UNC5D: variants seen among roughly 807,000 people sequenced by gnomAD.
The protein encoded by UNC5D is netrin receptor UNC5D.
UNC5D carries 39 observed loss-of-function variants against 105.4 expected under a neutral mutation model. The observed-to-expected ratio is 0.37, with a 90% CI of 0.29 to 0.48. UNC5D has a LOEUF of 0.48. Among genes scored for constraint, UNC5D ranks in the 20% least tolerant of loss-of-function variants. The pLI, the probability that UNC5D is intolerant of heterozygous loss-of-function variation, is 0.98. For missense variants in UNC5D, 991 were observed against 1,202.4 expected (o/e 0.82, Z 2.60); for synonymous variants, 452 against 450.4 (o/e 1.00, Z -0.04).
chr8:35,527,087 ATGGTAAAAACTGTAGGCAGGCTTTT>A (rs544258897), intron 1 of UNC5D, among the ~76,000 whole-genome samples: 2 of 152,142 alleles, frequency 1.3e-5, no homozygotes, highest in East Asian at 3.9e-4. Context: ...GATACATCAA[ATGGTAAAAACTGTAGGCAGGCTTTT>A]TGGTTATTTT....
At chr8:35,741,744 C>T (rs1829774588) in intron 11 of UNC5D, among the ~76,000 whole-genome samples, 1 of 152,076 alleles carries the variant, frequency 6.6e-6, no homozygotes, top group Admixed American at 6.6e-5. Context: ...GATGGAGCAC[C>T]AAGGCCCCAG....
intron 4 of UNC5D, among the ~76,000 whole-genome samples, chr8:35,605,017 A>T (rs1346152876): frequency 6.6e-6 from 1 of 151,856 alleles, no homozygotes; most frequent in Non-Finnish European, 1.5e-5. Flanking sequence ...GAGTAGTTTG[A>T]TCTTCTGAGG....
chr8:35,474,028 T>C (rs1456300050), intron 1 of UNC5D, among the ~76,000 whole-genome samples: 1 of 152,130 alleles, frequency 6.6e-6, no homozygotes, highest in African/African-American at 2.4e-5. Flanking sequence ...GGACGGTGCC[T>C]TCATGACCCC....
chr8:35,779,875 T>G (rs1440648243), intron 16 of UNC5D, among the ~76,000 whole-genome samples: 1 of 152,230 alleles, frequency 6.6e-6, no homozygotes, highest in Non-Finnish European at 1.5e-5. Flanking sequence ...TTTTGGAAGA[T>G]TCCTGTCTTT....
At chr8:35,266,957 G>T (rs953570551) in intron 1 of UNC5D, among the ~76,000 whole-genome samples, 11 of 152,086 alleles carry the variant, frequency 7.2e-5, no homozygotes, top group African/African-American at 2.7e-4. Flanking sequence ...AGTCACTTCT[G>T]CCATGCTATA....
At chr8:35,653,804 TA>T (rs749314089) in intron 4 of UNC5D, among the ~76,000 whole-genome samples, 1 of 152,244 alleles carries the variant, frequency 6.6e-6, no homozygotes, top group Non-Finnish European at 1.5e-5. Context: ...TAATGTGTTA[TA>T]CCTTCATACA....
At chr8:35,594,281 GA>G (rs1819356688) in intron 3 of UNC5D, among the ~76,000 whole-genome samples, 1 of 152,194 alleles carries the variant, frequency 6.6e-6, no homozygotes, top group Non-Finnish European at 1.5e-5. Context: ...GGAGGAAAGT[GA>G]ATACATGGCT....
Position 35,237,445 on chromosome 8 carries a change from A to T in UNC5D, c.103+1558A>T, listed in dbSNP as rs539235433. ...TGTTAATCTAAATGTCTGAGTTTCC[A>T]CTTACTATTCGTGTGGAATACCTCA... is the stretch of plus-strand genomic sequence containing the variant. On this transcript the variant is annotated intron_variant, in intron 1 of 16. Transcript: ENST00000404895. Among the ~76,000 whole-genome samples the T allele has an allele frequency of 5.3e-5, 8 of 152,168 alleles. No homozygotes were observed. The South Asian group carries it at 1.0e-3, about 20-fold the overall frequency.
intron 1 of UNC5D, among the ~76,000 whole-genome samples, chr8:35,242,662 A>T (rs996916241): frequency 3.3e-5 from 5 of 151,980 alleles, no homozygotes; most frequent in Admixed American, 6.6e-5. Flanking sequence ...ATTTTTACAG[A>T]CAGGGTTTCA....
chr8:35,450,207 G>A (rs567509008), intron 1 of UNC5D, among the ~76,000 whole-genome samples: 1 of 152,234 alleles, frequency 6.6e-6, no homozygotes, highest in East Asian at 1.9e-4. Flanking sequence ...ATAAATCTGG[G>A]TGAGGAAATG....
At chr8:35,280,503 ATTG>A (rs1378301216) in intron 1 of UNC5D, among the ~76,000 whole-genome samples, 1 of 152,046 alleles carries the variant, frequency 6.6e-6, no homozygotes, top group African/African-American at 2.4e-5. Flanking sequence ...CTGTGTGGGT[ATTG>A]TTGTGCTTGT....
intron 4 of UNC5D, among the ~76,000 whole-genome samples, chr8:35,678,435 T>C (rs1272325779): frequency 2.0e-5 from 3 of 152,216 alleles, no homozygotes; most frequent in African/African-American, 7.2e-5. Context: ...AAAAGAGATT[T>C]TTTTTAAGCT....
At chr8:35,762,794 C>T (rs148123957) in intron 14 of UNC5D, among the ~76,000 whole-genome samples, 1 of 152,074 alleles carries the variant, frequency 6.6e-6, no homozygotes, top group African/African-American at 2.4e-5. Flanking sequence ...TAAAAGCCAA[C>T]AAAACACAAA....
intron 7 of UNC5D, among the ~76,000 whole-genome samples, chr8:35,700,532 TGCAAATGGAG>T (rs1386243405): frequency 3.9e-5 from 6 of 152,190 alleles, no homozygotes; most frequent in African/African-American, 1.4e-4. Flanking sequence ...AAGCAATCCC[TGCAAATGGAG>T]TAATCACCAG....
intron 1 of UNC5D, among the ~76,000 whole-genome samples, chr8:35,417,428 C>T (rs1209944964): frequency 2.0e-5 from 3 of 150,232 alleles, no homozygotes; most frequent in Non-Finnish European, 4.4e-5. Flanking sequence ...AGTTTGGGTA[C>T]TTAGATTAAG....
intron 1 of UNC5D, among the ~76,000 whole-genome samples, chr8:35,261,523 T>C (rs1003201366): frequency 3.3e-5 from 5 of 152,096 alleles, no homozygotes; most frequent in Non-Finnish European, 5.9e-5. Context: ...CAGTTTATTA[T>C]GCTAGAGCCA....
At chr8:35,587,790 G>A (rs1376515888) in intron 3 of UNC5D, among the ~76,000 whole-genome samples, 1 of 151,682 alleles carries the variant, frequency 6.6e-6, no homozygotes, top group Non-Finnish European at 1.5e-5. Flanking sequence ...AGAAGAAAGG[G>A]ATCTTTTTTT....
chr8:35,356,248 T>C (rs1801545742), intron 1 of UNC5D, among the ~76,000 whole-genome samples: 7 of 152,178 alleles, frequency 4.6e-5, no homozygotes, highest in Admixed American at 4.6e-4. Flanking sequence ...ATATATTAGC[T>C]ACGTAATGAA....
At chr8:35,280,034 C>T (rs1806039640) in intron 1 of UNC5D, among the ~76,000 whole-genome samples, 1 of 152,056 alleles carries the variant, frequency 6.6e-6, no homozygotes, top group Non-Finnish European at 1.5e-5. Flanking sequence ...CTCACTTTGT[C>T]ACATAGGCTG....
Sources: gnomAD v4.1 joint callset for allele counts (sites outside exome capture counted in the v4.1 genomes callset) on GRCh38, gnomAD v4.1.1 for gene constraint, MANE v1.5 for transcripts, NCBI Gene and HGNC (gene_info 2026-07-23, HGNC 2026-07-21) for gene names.